IKBKB: variants seen among roughly 807,000 people sequenced by gnomAD.
The protein encoded by IKBKB is inhibitor of nuclear factor kappa-B kinase subunit beta.
In IKBKB, 42 loss-of-function variants were observed where a neutral mutation model predicts 113.6. That is an observed-to-expected ratio of 0.37 (90% confidence interval 0.29 to 0.48). The LOEUF (loss-of-function observed/expected upper bound fraction) is 0.48, where lower values mean the gene tolerates loss of function less well. Ranked by LOEUF, IKBKB falls within the 20% of genes least tolerant of loss-of-function variation. The pLI is 0.99. For missense variants in IKBKB, 673 were observed against 939.7 expected, an observed-to-expected ratio of 0.72 and a Z score of 3.71; for synonymous variants, 296 against 361.3, an observed-to-expected ratio of 0.82 and a Z score of 2.05.
intron 20 of IKBKB, 31 bp from the exon 21 acceptor site, chr8:42,329,093 C>G (rs368188054): frequency 6.4e-7 from 1 of 1,558,888 alleles, no homozygotes; most frequent in African/African-American, 1.4e-5. Flanking sequence ...TAATAATGAC[C>G]ACTTTCTAAT....
intron 4 of IKBKB, among the ~76,000 whole-genome samples, chr8:42,293,193 C>CACCT (rs1364550846): frequency 1.3e-5 from 2 of 152,156 alleles, no homozygotes; most frequent in African/African-American, 4.8e-5. Context: ...AAACTTTACT[C>CACCT]ACCTCAGAGG....
chr8:42,273,536 G>A (rs930722011), intron 2 of IKBKB, among the ~76,000 whole-genome samples: 10 of 151,968 alleles, frequency 6.6e-5, no homozygotes, highest in African/African-American at 2.4e-4. Flanking sequence ...AATTCATTTA[G>A]AATGATGATG....
chr8:42,285,690 C>T (rs1585573267), intron 2 of IKBKB, among the ~76,000 whole-genome samples: 1 of 152,232 alleles, frequency 6.6e-6, no homozygotes, highest in Admixed American at 6.5e-5. Flanking sequence ...AGGGCAGAAC[C>T]TGGATGCCCA....
chr8:42,301,112 C>T (rs1016975242), intron 5 of IKBKB, among the ~76,000 whole-genome samples: 5 of 152,096 alleles, frequency 3.3e-5, no homozygotes, highest in Non-Finnish European at 2.9e-5. Context: ...CTCCCTCGGC[C>T]TCCGAAAGTG....
chr8:42,301,785 C>T (rs933121051), intron 5 of IKBKB, among the ~76,000 whole-genome samples: 5 of 152,180 alleles, frequency 3.3e-5, no homozygotes, highest in Non-Finnish European at 7.3e-5. Flanking sequence ...ATCCACGTGG[C>T]GTAGAGAGCG....
rs200841053 is a variant in IKBKB, at chr8:42,316,224, G to A, written c.815G>A (p.Arg272Gln). The A allele has an allele frequency of 1.8e-5, 29 of 1,614,094 alleles. No individual in the cohort carries two copies. Among genetic ancestry groups the A allele is most frequent in the East Asian group, 1.6e-4 (7 of 44,890 alleles). The change falls in exon 10 of 22, where the codon CGA (arginine) becomes CAA (glutamine). Residue 272 changes from arginine (R) to glutamine (Q), a missense_variant. Arg to Gln is a conservative substitution (Grantham distance 43). Transcript: ENST00000520810. The surrounding 1 kb of genome is among the most constrained non-coding windows in gnomAD (Gnocchi z 4.5). ...CCTCTCCACAGTGTCCTGGCTGAGCGACTGGAGAAGTGGCTGCAACTGATG... is the reference window on the plus strand; with the variant it reads ...CCTCTCCACAGTGTCCTGGCTGAGCAACTGGAGAAGTGGCTGCAACTGATG... ...PNNLNSVLAE[R>Q]LEKWLQLMLM... is the part of the protein sequence containing the mutation.
In IKBKB at chr8:42,302,586, C is replaced by T. The variant is rs371562262; in HGVS notation, c.389-2601C>T. Among the ~76,000 whole-genome samples the T allele has an allele frequency of 1.4e-4, 22 of 152,276 alleles. 1 individual carries two copies. The highest frequency in any genetic ancestry group is 1.2e-3 in the Admixed American group (18 of 15,296). ...ATGATGCCAGAAGTGGAAAATTCCA[C>T]ACTTAAGTACTTAACACATTGTTCC... is the stretch of plus-strand genomic sequence containing the variant. On this transcript the variant is annotated intron_variant, in intron 5 of 21. Transcript: ENST00000520810.
In IKBKB at chr8:42,316,634, A is replaced by T; in HGVS notation, c.931-76A>T. ...GGTTGGGAAATGTTGGGAGTAGCAG[A>T]GAGAGGACCTAGGCAAATAGATGGG... On this transcript the variant is annotated intron_variant, in intron 10 of 21. Coordinates refer to ENST00000520810, the MANE Select transcript of IKBKB (RefSeq NM_001556.3). The surrounding 1 kb of genome is among the most constrained non-coding windows in gnomAD (Gnocchi z 4.5). 7.3e-7 allele frequency: 1 copy of T among 1,375,992 alleles called. No individual in the cohort carries two copies. The highest frequency in any genetic ancestry group is 2.1e-5 in the Admixed American group (1 of 47,096). 85.2% of individuals were successfully genotyped at this position (1,375,992 alleles called of 1,614,324 possible).
At chr8:42,299,522 C>T (rs1407070892) in intron 5 of IKBKB, among the ~76,000 whole-genome samples, 4 of 152,086 alleles carry the variant, frequency 2.6e-5, no homozygotes, top group African/African-American at 7.2e-5. Flanking sequence ...AGGCGTGACC[C>T]TCAGAACCCA....
rs1402594979 is a variant in IKBKB, at chr8:42,271,341, C to G, written c.-147C>G. The G allele has an allele frequency of 1.1e-5, 14 of 1,231,328 alleles. No homozygotes were observed. Among genetic ancestry groups the G allele is most frequent in the Middle Eastern group, 1.8e-4 (1 of 5,422 alleles). 76.3% of individuals were successfully genotyped at this position (1,231,328 alleles called of 1,614,324 possible). ...GGAAGTGTTTGAGGAAGTCGCGCCG[C>G]GCTGCCCGCGTTAAGATTCCCGCAT... On this transcript the variant is annotated 5_prime_UTR_variant, in exon 1 of 22. Transcript: ENST00000520810.
At chr8:42,326,825 A>G (rs1005485831) in intron 20 of IKBKB, among the ~76,000 whole-genome samples, 9 of 152,056 alleles carry the variant, frequency 5.9e-5, no homozygotes, top group African/African-American at 2.2e-4. Context: ...TCTCCAGCAC[A>G]CTGCAGGCCA....
chr8:42,329,012 G>A, intron 20 of IKBKB, 112 bp from the exon 21 acceptor site: 1 of 778,126 alleles, frequency 1.3e-6, no homozygotes, highest in South Asian at 1.7e-5. Context: ...CAAAATAATT[G>A]TTACTTCATT....
chr8:42,292,728 A>G (rs1168733365), intron 4 of IKBKB, among the ~76,000 whole-genome samples: 1 of 152,116 alleles, frequency 6.6e-6, no homozygotes, highest in Non-Finnish European at 1.5e-5. Context: ...GCCTCTTGAC[A>G]GTCGAGGGGG....
At chr8:42,276,688 G>A (rs938247003) in intron 2 of IKBKB, among the ~76,000 whole-genome samples, 2 of 150,406 alleles carry the variant, frequency 1.3e-5, no homozygotes, top group African/African-American at 4.9e-5. Flanking sequence ...CCAATGCCCT[G>A]AAGCACTTCC....
At position 42,271,414 on chromosome 8, in the gene IKBKB, G is replaced by A. The variant is rs1394945101; in HGVS notation, c.-74G>A. 1 of 1,506,058 alleles carries A rather than the reference G, an allele frequency of 6.6e-7. No homozygotes were observed. The allele number at this position is 1,506,058 out of a possible 1,614,324, so 93.3% of individuals were successfully genotyped here. On this transcript the variant is annotated 5_prime_UTR_variant, in exon 1 of 22. Coordinates refer to ENST00000520810, the MANE Select transcript of IKBKB (RefSeq NM_001556.3). ...CATAGCCCCGGGTTTGGCCGCCCCAGCCCCGCCTTCCCCGCCCCGGGGAGC... is the reference window on the plus strand; with the variant it reads ...CATAGCCCCGGGTTTGGCCGCCCCAACCCCGCCTTCCCCGCCCCGGGGAGC...
intron 2 of IKBKB, among the ~76,000 whole-genome samples, chr8:42,284,611 C>T (rs932251442): frequency 6.6e-6 from 1 of 151,570 alleles, no homozygotes; most frequent in Non-Finnish European, 1.5e-5. Flanking sequence ...CGAGGTGATA[C>T]TGCTACAACA....
In IKBKB at chr8:42,290,534, A is replaced by G. The variant is rs183940534; in HGVS notation, c.318+261A>G. Among the ~76,000 whole-genome samples, 21 of 152,210 alleles carry G rather than the reference A, an allele frequency of 1.4e-4. No homozygotes were observed. In the East Asian group the frequency reaches 3.9e-3, roughly 28 times the overall value. ...ACTCTGCTGGGATTACTCCAATGACAAGGAAAACTCATCACAGGTCTGGGC... is the reference window on the plus strand; with the variant it reads ...ACTCTGCTGGGATTACTCCAATGACGAGGAAAACTCATCACAGGTCTGGGC... On this transcript the variant is annotated intron_variant, in intron 4 of 21. Transcript: ENST00000520810.
intron 1 of IKBKB, 54 bp downstream of exon 1, chr8:42,271,523 C>G (rs925271310): frequency 3.1e-6 from 2 of 636,592 alleles, no homozygotes; most frequent in Non-Finnish European, 5.2e-6. Flanking sequence ...CCCGCCGCCC[C>G]GCTGCCTGCA....
intron 5 of IKBKB, among the ~76,000 whole-genome samples, chr8:42,304,330 CAA>C (rs1332196865): frequency 4.6e-5 from 7 of 152,200 alleles, no homozygotes; most frequent in Non-Finnish European, 1.0e-4. Flanking sequence ...AGATGTCTGT[CAA>C]AGTTATTCAC....
Sources: allele counts gnomAD v4.1 joint callset (sites outside exome capture counted in the v4.1 genomes callset), GRCh38; gene constraint gnomAD v4.1.1; non-coding constraint Gnocchi (gnomAD v3.1); transcripts MANE v1.5; gene names NCBI Gene and HGNC (gene_info 2026-07-23, HGNC 2026-07-21).